ZNF33A: variants seen among roughly 807,000 people sequenced by gnomAD.
The protein encoded by ZNF33A is brain my041 protein.
In ZNF33A, 9 loss-of-function variants were observed where a neutral mutation model predicts 15.9. That is an observed-to-expected ratio of 0.57 (90% confidence interval 0.34 to 0.99). The LOEUF is 0.99. ZNF33A is among the 50% of genes least tolerant of loss of function. ZNF33A has a pLI of 0.02. For missense variants in ZNF33A, 843 were observed against 941.6 expected (o/e 0.90, Z 1.37); for synonymous variants, 294 against 324.2 (o/e 0.91, Z 1.00).
intron 1 of ZNF33A, among the ~76,000 whole-genome samples, chr10:38,011,336 G>T (rs2064174666): frequency 6.6e-6 from 1 of 152,188 alleles, no homozygotes; most frequent in Non-Finnish European, 1.5e-5. Context: ...TGTAATCCCA[G>T]CACTTTGGGA....
intron 4 of ZNF33A, among the ~76,000 whole-genome samples, chr10:38,052,976 CTATAT>C (rs2066277329): frequency 6.6e-6 from 1 of 151,376 alleles, no homozygotes; most frequent in Non-Finnish European, 1.5e-5. Flanking sequence ...AACATATATA[CTATAT>C]TATAATTTTA....
At chr10:38,037,419 G>T (rs1032696086) in intron 4 of ZNF33A, among the ~76,000 whole-genome samples, 1 of 151,918 alleles carries the variant, frequency 6.6e-6, no homozygotes, top group Non-Finnish European at 1.5e-5. Flanking sequence ...TGCCCCCTGG[G>T]TTCACGCAAG....
chr10:38,057,010 A>G lies in ZNF33A; in HGVS notation c.*450A>G. 1 of 756,804 alleles carries G rather than the reference A, an allele frequency of 1.3e-6. No individual in the cohort carries two copies. Among genetic ancestry groups the G allele is most frequent in the African/African-American group, 1.9e-5 (1 of 53,232 alleles). The allele number at this position is 756,804 out of a possible 1,614,324, so 46.9% of individuals were successfully genotyped here. On this transcript the variant is annotated 3_prime_UTR_variant, in exon 5 of 5. Transcript: ENST00000432900. ...TGTACACTTCACCAAACTTCCTCTAAGGATAATGTATAATCATAGTATATG... is the reference window on the plus strand; with the variant it reads ...TGTACACTTCACCAAACTTCCTCTAGGGATAATGTATAATCATAGTATATG...
At position 38,036,432 on chromosome 10, in the gene ZNF33A, T is replaced by G. The variant is rs1291561315; in HGVS notation, c.251-17943T>G. Among the ~76,000 whole-genome samples the G allele has an allele frequency of 2.0e-5, 3 of 151,766 alleles. No homozygotes were observed. The East Asian group carries it at 5.8e-4, about 29-fold the overall frequency. On this transcript the variant is annotated intron_variant, in intron 4 of 4. Transcript: ENST00000432900. ...CAGCCTGGGTGATAGAGCAAGATTC[T>G]GTCTCAAAAAAAAAATAAAAATAAA...
chr10:38,012,959 C>T (rs2064264205), intron 2 of ZNF33A, among the ~76,000 whole-genome samples: 1 of 152,122 alleles, frequency 6.6e-6, no homozygotes, highest in Non-Finnish European at 1.5e-5. Flanking sequence ...TTGGTCATAA[C>T]ATAGGGACCC....
intron 1 of ZNF33A, among the ~76,000 whole-genome samples, chr10:38,011,901 C>A (rs1223556618): frequency 6.6e-6 from 1 of 152,176 alleles, no homozygotes. Flanking sequence ...AAATAGATAG[C>A]TTAGTCCTAT....
At chr10:38,045,729 A>G (rs2065919057) in intron 4 of ZNF33A, among the ~76,000 whole-genome samples, 1 of 152,184 alleles carries the variant, frequency 6.6e-6, no homozygotes, top group Admixed American at 6.5e-5. Context: ...TGTTGCTGTC[A>G]TAGAACTGCC....
intron 4 of ZNF33A, among the ~76,000 whole-genome samples, chr10:38,042,751 A>G (rs2065764704): frequency 1.3e-5 from 2 of 151,930 alleles, no homozygotes; most frequent in Admixed American, 6.6e-5. Context: ...TGGTGTCTCA[A>G]TATGTTGCCT....
intron 4 of ZNF33A, among the ~76,000 whole-genome samples, chr10:38,043,063 A>G (rs2065780143): frequency 6.6e-6 from 1 of 151,932 alleles, no homozygotes; most frequent in Non-Finnish European, 1.5e-5. Flanking sequence ...ACCCTAAAGA[A>G]CTTCTTTTCT....
chr10:38,064,125 C>G, downstream of ZNF33A: 1 of 1,595,810 alleles, frequency 6.3e-7, no homozygotes, highest in South Asian at 1.1e-5. Context: ...TAAACCCCTG[C>G]AGTGCTGGAA....
intron 2 of ZNF33A, among the ~76,000 whole-genome samples, chr10:38,016,333 C>G (rs916113345): frequency 6.6e-6 from 1 of 152,108 alleles, no homozygotes; most frequent in African/African-American, 2.4e-5. Context: ...CTCTATAACC[C>G]ATTTCCTTGG....
In ZNF33A at chr10:38,056,924, TAAAC is replaced by T. The variant is rs1261782654; in HGVS notation, c.*368_*371del. ...TGTGGAATGTAAAGCTTTAAGAACT[TAAAC>T]AAAGGTAATAATTAAAATAACCTCA... On this transcript the variant is annotated 3_prime_UTR_variant, in exon 5 of 5. Transcript: ENST00000432900. 1.5e-5 allele frequency: 14 copies of T among 951,770 alleles called. No individual in the cohort carries two copies. The highest frequency in any genetic ancestry group is 1.8e-5 in the Non-Finnish European group (14 of 796,164). The allele number at this position is 951,770 out of a possible 1,614,324, so 59.0% of individuals were successfully genotyped here. A position where few individuals can be genotyped will look rare whatever the true frequency, so the allele number is the denominator to read the frequency against.
chr10:38,063,214 T>G (rs2066675910), downstream of ZNF33A, among the ~76,000 whole-genome samples: 1 of 152,004 alleles, frequency 6.6e-6, no homozygotes, highest in South Asian at 2.1e-4. Flanking sequence ...CAGGTTCACA[T>G]GGAAAGGAGA....
rs190632651 is a variant in ZNF33A, at chr10:38,060,044, C to A, written c.*3484C>A. ...TGAAGTGTATCAAGTAAATAAATAA[C>A]CAACCAACCAACCCTGAGGAACATC... On this transcript the variant is annotated 3_prime_UTR_variant, in exon 5 of 5. Transcript: ENST00000432900. 1.4e-4 allele frequency: 140 copies of A among 984,602 alleles called. No homozygotes were observed. In the African/African-American group the frequency reaches 2.0e-3, roughly 14 times the overall value. The allele number at this position is 984,602 out of a possible 1,614,324, so 61.0% of individuals were successfully genotyped here.
chr10:38,056,595 AAT>A lies in ZNF33A; in HGVS notation c.*37_*38del, dbSNP rs1280435704. ...AACTCACCTTATGTTACTCCAAAGT[AAT>A]AGTAGGGGATAAACCCATAGACTAC... On this transcript the variant is annotated 3_prime_UTR_variant, in exon 5 of 5. Coordinates refer to ENST00000432900, the MANE Select transcript of ZNF33A (RefSeq NM_006954.2). 1.3e-6 allele frequency: 2 copies of A among 1,528,476 alleles called. No individual in the cohort carries two copies. The allele number at this position is 1,528,476 out of a possible 1,614,324, so 94.7% of individuals were successfully genotyped here.
intron 4 of ZNF33A, among the ~76,000 whole-genome samples, chr10:38,042,365 AG>A (rs2065744115): frequency 6.6e-6 from 1 of 151,954 alleles, no homozygotes; most frequent in South Asian, 2.1e-4. Context: ...TGTTTTTAGT[AG>A]AGATGGGGTT....
chr10:38,013,576 A>T (rs1442149157), intron 2 of ZNF33A, among the ~76,000 whole-genome samples: 1 of 151,168 alleles, frequency 6.6e-6, no homozygotes, highest in Non-Finnish European at 1.5e-5. Flanking sequence ...CTCCTGCCTC[A>T]ACCTCCCGAG....
intron 3 of ZNF33A, 72 bp downstream of exon 3, chr10:38,017,087 C>A: frequency 1.3e-6 from 2 of 1,550,222 alleles, no homozygotes; most frequent in South Asian, 1.2e-5. Flanking sequence ...TATGGGCAGT[C>A]TGTATAGTTT....
rs914818703 is a variant in ZNF33A at position 38,056,658 on chromosome 10, T to G, written c.*98T>G. The G allele has an allele frequency of 5.5e-6, 8 of 1,452,038 alleles. No individual in the cohort carries two copies. The African/African-American group carries it at 8.5e-5, about 15-fold the overall frequency. 89.9% of individuals were successfully genotyped at this position (1,452,038 alleles called of 1,614,324 possible). A position where few individuals can be genotyped will look rare whatever the true frequency, so the allele number is the denominator to read the frequency against. On this transcript the variant is annotated 3_prime_UTR_variant, in exon 5 of 5. Coordinates refer to ENST00000432900, the MANE Select transcript of ZNF33A (RefSeq NM_006954.2). ...GGACAGCTTTTGTTAGGAAGTGATA[T>G]TCTATGTAATATCAGATGGTTAATA...
Sources: allele counts gnomAD v4.1 joint callset (sites outside exome capture counted in the v4.1 genomes callset), GRCh38; gene constraint gnomAD v4.1.1; transcripts MANE v1.5; gene names NCBI Gene and HGNC (gene_info 2026-07-23, HGNC 2026-07-21).